CTIF: variants seen among roughly 807,000 people sequenced by gnomAD.
CTIF encodes the protein CBP80/20-dependent translation initiation factor.
CTIF carries 21 observed loss-of-function variants against 66.0 expected under a neutral mutation model. That is an observed-to-expected ratio of 0.32 (90% CI 0.23 to 0.46). The LOEUF is 0.46. Among genes scored for constraint, CTIF ranks in the 20% least tolerant of loss-of-function variants. The pLI is 1.00. For synonymous variants in CTIF, 345 were observed against 326.4 expected (o/e 1.06, Z -0.62); for missense variants, 739 against 812.7 (o/e 0.91, Z 1.10).
intron 1 of CTIF, among the ~76,000 whole-genome samples, chr18:48,576,358 G>T (rs549066003): frequency 6.6e-6 from 1 of 152,224 alleles, no homozygotes; most frequent in African/African-American, 2.4e-5. Context: ...AAGAATTTGC[G>T]GTAGCTGGGG....
At chr18:48,801,120 T>A (rs1357464188) in intron 9 of CTIF, among the ~76,000 whole-genome samples, 1 of 152,146 alleles carries the variant, frequency 6.6e-6, no homozygotes, top group Non-Finnish European at 1.5e-5. Context: ...CCCCCGGCAC[T>A]GCTCAGAACA....
chr18:48,762,891 C>CCCTCT (rs1411010516), intron 9 of CTIF, among the ~76,000 whole-genome samples: 1 of 152,234 alleles, frequency 6.6e-6, no homozygotes, highest in East Asian at 1.9e-4. Context: ...TCCCCACCCA[C>CCCTCT]CCTCTCCTCT....
At chr18:48,812,788 A>G (rs1242004968) in intron 9 of CTIF, among the ~76,000 whole-genome samples, 1 of 151,890 alleles carries the variant, frequency 6.6e-6, no homozygotes, top group Non-Finnish European at 1.5e-5. Flanking sequence ...AGAAAAGAAA[A>G]TTATTCCGCT....
intron 10 of CTIF, among the ~76,000 whole-genome samples, chr18:48,833,159 G>A (rs1418301431): frequency 1.3e-5 from 2 of 152,372 alleles, no homozygotes; most frequent in South Asian, 4.1e-4. Context: ...GGCTTGCCTG[G>A]CTGGAGTGGA....
chr18:48,795,966 G>A (rs2067907029), intron 9 of CTIF, among the ~76,000 whole-genome samples: 1 of 152,172 alleles, frequency 6.6e-6, no homozygotes, highest in African/African-American at 2.4e-5. Flanking sequence ...GGACAGGGAA[G>A]AGAAGCAATC....
At chr18:48,720,872 C>T (rs1033434724) in intron 7 of CTIF, among the ~76,000 whole-genome samples, 1 of 152,206 alleles carries the variant, frequency 6.6e-6, no homozygotes, top group African/African-American at 2.4e-5. Flanking sequence ...CCACAACTCA[C>T]CCATGAGGGA....
chr18:48,848,539 G>A (rs1221301829), intron 10 of CTIF, among the ~76,000 whole-genome samples: 2 of 152,216 alleles, frequency 1.3e-5, no homozygotes, highest in African/African-American at 4.8e-5. Context: ...TGGCCAGCCC[G>A]GCTTGGATGG....
rs1568172205 is a variant in CTIF at position 48,730,674 on chromosome 18, T to TCTGCGGTGTGAGGGGCCC, written c.584+18992_584+18993insGGCCCCTGCGGTGTGAGG. ...AGGGGCTTCTGCGGTGTGAGGGGCT[T>TCTGCGGTGTGAGGGGCCC]CTGCGGTGTGAGGAGCCCCTGAGGT... On this transcript the variant is annotated intron_variant, in intron 7 of 11. Coordinates refer to ENST00000256413, the MANE Select transcript of CTIF (RefSeq NM_014772.3). Among the ~76,000 whole-genome samples the TCTGCGGTGTGAGGGGCCC allele has an allele frequency of 1.0e-4, 11 of 106,774 alleles. 1 individual carries two copies. The highest frequency in any genetic ancestry group is 3.6e-4 in the African/African-American group (10 of 27,990). The allele number at this position is 106,774 out of a possible 152,430, so 70.0% of individuals were successfully genotyped here.
At chr18:48,755,660 T>C (rs1390774641) in intron 7 of CTIF, 2 of 152,202 alleles carry the variant, frequency 1.3e-5, no homozygotes, top group African/African-American at 4.8e-5. Context: ...AAGGCAACAG[T>C]GCTTTTGCCC....
At chr18:48,559,635 CT>C (rs1328129259) in intron 1 of CTIF, among the ~76,000 whole-genome samples, 1 of 152,254 alleles carries the variant, frequency 6.6e-6, no homozygotes, top group African/African-American at 2.4e-5. Context: ...GGAAGATCCA[CT>C]TCCAAAATGG....
At chr18:48,799,636 C>A (rs962665912) in intron 9 of CTIF, among the ~76,000 whole-genome samples, 2 of 152,092 alleles carry the variant, frequency 1.3e-5, no homozygotes, top group African/African-American at 4.8e-5. Context: ...CATTTTCATG[C>A]CTTCTCTGGC....
intron 5 of CTIF, among the ~76,000 whole-genome samples, chr18:48,666,787 A>T (rs1274653405): frequency 6.6e-6 from 1 of 152,026 alleles, no homozygotes; most frequent in Admixed American, 6.5e-5. Flanking sequence ...TGCTCAGCCC[A>T]CTCATTCAGT....
In CTIF at chr18:48,732,203, C is replaced by T. The variant is rs76901669; in HGVS notation, c.584+20508C>T. Among the ~76,000 whole-genome samples, 452 of 152,294 alleles carry T rather than the reference C, an allele frequency of 3.0e-3. 2 individuals are homozygous for T. Among genetic ancestry groups the T allele is most frequent in the East Asian group, 0.011 (59 of 5,186 alleles). On this transcript the variant is annotated intron_variant, in intron 7 of 11. Transcript: ENST00000256413. Reference sequence around the variant, plus strand: ...AGCAGGACTCCCATTCCCTGGGGTACGTTTTGATGTGGAACTGCAGAAGGC... The same window carrying T: ...AGCAGGACTCCCATTCCCTGGGGTATGTTTTGATGTGGAACTGCAGAAGGC...
At chr18:48,851,493 G>A (rs2069199538) in intron 10 of CTIF, among the ~76,000 whole-genome samples, 1 of 152,174 alleles carries the variant, frequency 6.6e-6, no homozygotes, top group South Asian at 2.1e-4. Flanking sequence ...GGGAGATGCA[G>A]CCACATTGAG....
At chr18:48,810,896 T>C (rs1308306996) in intron 9 of CTIF, among the ~76,000 whole-genome samples, 1 of 152,004 alleles carries the variant, frequency 6.6e-6, no homozygotes, top group Non-Finnish European at 1.5e-5. Flanking sequence ...TTATTTTCAT[T>C]TGCTCACTCT....
At chr18:48,828,845 G>A (rs1257682113) in intron 10 of CTIF, among the ~76,000 whole-genome samples, 1 of 152,214 alleles carries the variant, frequency 6.6e-6, no homozygotes, top group Non-Finnish European at 1.5e-5. Context: ...CTCCCCAGGG[G>A]AGGGGCACCT....
intron 1 of CTIF, among the ~76,000 whole-genome samples, chr18:48,606,084 C>A (rs969951506): frequency 6.6e-6 from 1 of 152,170 alleles, no homozygotes; most frequent in African/African-American, 2.4e-5. Flanking sequence ...GCTTTATGTT[C>A]TACAAGGTAG....
chr18:48,690,074 A>G (rs1173330306), intron 6 of CTIF, among the ~76,000 whole-genome samples: 2 of 152,166 alleles, frequency 1.3e-5, no homozygotes, highest in East Asian at 1.9e-4. Context: ...TCCCTGTCCT[A>G]TAAGAAGGTA....
At chr18:48,771,956 G>A (rs1910179135) in intron 9 of CTIF, among the ~76,000 whole-genome samples, 1 of 152,238 alleles carries the variant, frequency 6.6e-6, no homozygotes. Flanking sequence ...CTGGGCTGAT[G>A]GAAAAAATCT....
Sources: allele counts gnomAD v4.1 joint callset (sites outside exome capture counted in the v4.1 genomes callset), GRCh38; gene constraint gnomAD v4.1.1; transcripts MANE v1.5; gene names NCBI Gene and HGNC (gene_info 2026-07-23, HGNC 2026-07-21).